Variants in DLD observed in about 807,000 individuals in gnomAD.
DLD encodes dihydrolipoamide dehydrogenase, also known as dihydrolipoyl dehydrogenase, mitochondrial.
Under a neutral mutation model 62.2 loss-of-function variants are expected in DLD, and 36 were observed. The ratio of observed to expected loss-of-function variants is 0.58; its 90% CI spans 0.44 to 0.76. The LOEUF (loss-of-function observed/expected upper bound fraction) is 0.76, where lower values mean the gene tolerates loss of function less well. DLD is among the 30% of genes least tolerant of loss of function. The probability of loss-of-function intolerance (pLI) is 0.00; values close to 1 mark genes in which losing one functional copy is unlikely to be tolerated. For missense variants in DLD, 541 were observed against 608.6 expected, an observed-to-expected ratio of 0.89 and a Z score of 1.17; for synonymous variants, 204 against 199.6, an observed-to-expected ratio of 1.02 and a Z score of -0.19.
rs2032367664 is a variant in DLD at position 107,919,926 on chromosome 7, T to TG, written c.*671dup. 1.3e-5 allele frequency: 2 copies of TG among 152,522 alleles called. No homozygotes were observed. Among genetic ancestry groups the TG allele is most frequent in the South Asian group, 4.1e-4 (2 of 4,836 alleles). 9.4% of individuals were successfully genotyped at this position (152,522 alleles called of 1,614,324 possible). A position where few individuals can be genotyped will look rare whatever the true frequency, so the allele number is the denominator to read the frequency against. On this transcript the variant is annotated 3_prime_UTR_variant, in exon 14 of 14. Transcript: ENST00000205402. ...ACGTGGGCATTCAAATGTATTACAG[T>TG]GGGGAATGAAGATACTGAAATAAAC...
chr7:107,903,996 T>G (rs571236296), intron 5 of DLD, among the ~76,000 whole-genome samples: 2 of 152,290 alleles, frequency 1.3e-5, no homozygotes, highest in South Asian at 2.1e-4. Context: ...AAGAGGACAT[T>G]TCATAACGTA....
At chr7:107,891,993 C>G (rs958797349) in intron 1 of DLD, among the ~76,000 whole-genome samples, 6 of 152,120 alleles carry the variant, frequency 3.9e-5, no homozygotes, top group Non-Finnish European at 5.9e-5. Flanking sequence ...GCGATCAAAC[C>G]CTTTTGTTTC....
At chr7:107,905,285 AG>A in intron 6 of DLD, 75 bp from the exon 7 acceptor site, 1 of 1,420,504 alleles carries the variant, frequency 7.0e-7, no homozygotes, top group Non-Finnish European at 9.8e-7. Flanking sequence ...TTATTTACAG[AG>A]TAATTTTTCC....
At chr7:107,892,017 C>T (rs987690430) in intron 1 of DLD, among the ~76,000 whole-genome samples, 1 of 152,156 alleles carries the variant, frequency 6.6e-6, no homozygotes, top group African/African-American at 2.4e-5. Context: ...GATGAGGAAC[C>T]TGAGTTCTCA....
chr7:107,901,408 C>A (rs1271573259), intron 2 of DLD, among the ~76,000 whole-genome samples: 1 of 152,088 alleles, frequency 6.6e-6, no homozygotes, highest in Non-Finnish European at 1.5e-5. Flanking sequence ...TACTTGTCTT[C>A]CAGTATCACT....
rs1216392688 is a variant in DLD at position 107,920,913 on chromosome 7, TG to T, written c.*1656del. Reference sequence around the variant, plus strand: ...TTGCAGTTGCTATCAGCAGGAGGGTTGGTCTGATATCTGTGTGCTACTTTGC... The same window carrying T: ...TTGCAGTTGCTATCAGCAGGAGGGTTGTCTGATATCTGTGTGCTACTTTGC... On this transcript the variant is annotated 3_prime_UTR_variant, in exon 14 of 14. Transcript: ENST00000205402. 3 of 152,362 alleles carry T rather than the reference TG, an allele frequency of 2.0e-5. No homozygotes were observed. Among genetic ancestry groups the T allele is most frequent in the Admixed American group, 6.5e-5 (1 of 15,284 alleles). 9.4% of individuals were successfully genotyped at this position (152,362 alleles called of 1,614,324 possible). A position where few individuals can be genotyped will look rare whatever the true frequency, so the allele number is the denominator to read the frequency against.
intron 2 of DLD, among the ~76,000 whole-genome samples, chr7:107,897,714 G>T (rs186965446): frequency 6.6e-6 from 1 of 151,880 alleles, no homozygotes; most frequent in Non-Finnish European, 1.5e-5. Flanking sequence ...GAGTAGCTGG[G>T]ACTACAGGCA....
intron 8 of DLD, among the ~76,000 whole-genome samples, chr7:107,911,700 TC>T (rs984671389): frequency 1.3e-5 from 2 of 151,986 alleles, no homozygotes; most frequent in Admixed American, 1.3e-4. Flanking sequence ...GGTTTTTTTT[TC>T]TATTTTTATT....
chr7:107,907,327 CA>C (rs1462186299), intron 8 of DLD, among the ~76,000 whole-genome samples: 1 of 152,204 alleles, frequency 6.6e-6, no homozygotes, highest in African/African-American at 2.4e-5. Context: ...ACAAGAACCT[CA>C]GCCTTGCTGA....
chr7:107,919,574 T>C lies in DLD; in HGVS notation c.*315T>C. 1 of 224,634 alleles carries C rather than the reference T, an allele frequency of 4.5e-6. No individual in the cohort carries two copies. The highest frequency in any genetic ancestry group is 8.8e-6 in the Non-Finnish European group (1 of 113,934). 13.9% of individuals were successfully genotyped at this position (224,634 alleles called of 1,614,324 possible). A position where few individuals can be genotyped will look rare whatever the true frequency, so the allele number is the denominator to read the frequency against. On this transcript the variant is annotated 3_prime_UTR_variant, in exon 14 of 14. Transcript: ENST00000205402. ...TGCCCCTGAATTTAAATAGCTTTTT[T>C]CTCTGATACAGAAAAGTTGAATTTT...
intron 2 of DLD, among the ~76,000 whole-genome samples, chr7:107,898,353 T>C (rs1453014499): frequency 6.8e-6 from 1 of 146,722 alleles, no homozygotes; most frequent in Non-Finnish European, 1.5e-5. Flanking sequence ...CGATTTCAGT[T>C]CACTGCGACG....
In DLD at chr7:107,891,206, CA is replaced by C; in HGVS notation, c.-44del. 6.2e-7 allele frequency: 1 copy of C among 1,612,636 alleles called. No individual in the cohort carries two copies. The highest frequency in any genetic ancestry group is 8.5e-7 in the Non-Finnish European group (1 of 1,178,768). On this transcript the variant is annotated 5_prime_UTR_variant, in exon 1 of 14. Coordinates refer to ENST00000205402, the MANE Select transcript of DLD (RefSeq NM_000108.5). ...ACCTTGGCGGAGCGGCGGAGGCGCC[CA>C]GCGGAGGTGAAAGTATTGGCGGAAA...
chr7:107,891,871 C>G (rs1299766922), intron 1 of DLD, among the ~76,000 whole-genome samples: 1 of 152,162 alleles, frequency 6.6e-6, no homozygotes. Context: ...TTAATTGCAG[C>G]AGGTTATCAG....
chr7:107,918,995 C>G lies in DLD; in HGVS notation c.1375-15C>G. ...TTGCCTTGGAAGCAAATTTACTTGG[C>G]TTGTTATTTTAAAGGGTGCTGGAGA... On this transcript the variant is annotated splice_polypyrimidine_tract_variant and intron_variant, in intron 12 of 13. Coordinates refer to ENST00000205402, the MANE Select transcript of DLD (RefSeq NM_000108.5). 1 of 1,611,968 alleles carries G rather than the reference C, an allele frequency of 6.2e-7. No individual in the cohort carries two copies. Among genetic ancestry groups the G allele is most frequent in the Non-Finnish European group, 8.5e-7 (1 of 1,178,214 alleles).
chr7:107,891,440 G>C (rs2031570580), intron 1 of DLD, 151 bp downstream of exon 1: 3 of 842,916 alleles, frequency 3.6e-6, no homozygotes, highest in Non-Finnish European at 5.9e-6. Context: ...GGCTCAGCCC[G>C]GCCCTGGGCT....
chr7:107,911,599 G>A (rs1422807820), intron 8 of DLD, among the ~76,000 whole-genome samples: 1 of 151,834 alleles, frequency 6.6e-6, no homozygotes, highest in Non-Finnish European at 1.5e-5. Flanking sequence ...GTAAATTTTT[G>A]TTGCTCTGCT....
intron 2 of DLD, among the ~76,000 whole-genome samples, chr7:107,901,297 G>T (rs1322527063): frequency 6.6e-6 from 1 of 152,080 alleles, no homozygotes; most frequent in East Asian, 1.9e-4. Context: ...TTACAGAAAG[G>T]TTAAGTCATT....
chr7:107,917,040 T>G (rs2032288003), intron 10 of DLD, 76 bp downstream of exon 10: 1 of 1,466,468 alleles, frequency 6.8e-7, no homozygotes, highest in Admixed American at 1.8e-5. Flanking sequence ...GTAAGATTTT[T>G]ATGCTTAAAA....
At position 107,908,353 on chromosome 7, in the gene DLD, A is replaced by G. The variant is rs1220689515; in HGVS notation, c.684+1985A>G. On this transcript the variant is annotated intron_variant, in intron 8 of 13. Coordinates refer to ENST00000205402, the MANE Select transcript of DLD (RefSeq NM_000108.5). ...TTTAGTAGAGACGGGGTTTCACCAT[A>G]TTGGTCAGGCTGGTCTCGAACTCCT... Among the ~76,000 whole-genome samples, 7 of 151,120 alleles carry G rather than the reference A, an allele frequency of 4.6e-5. No individual in the cohort carries two copies. The South Asian group carries it at 1.3e-3, about 27-fold the overall frequency.
Sources: gnomAD v4.1 joint callset for allele counts (sites outside exome capture counted in the v4.1 genomes callset) on GRCh38, gnomAD v4.1.1 for gene constraint, MANE v1.5 for transcripts, NCBI Gene and HGNC (gene_info 2026-07-23, HGNC 2026-07-21) for gene names.